The following LTBP1 variants were observed in gnomAD, a reference collection of about 807,000 sequenced individuals.
The protein encoded by LTBP1 is latent transforming growth factor beta binding protein 1.
LTBP1 carries 129 observed loss-of-function variants against 207.6 expected under a neutral mutation model. That is an observed-to-expected ratio of 0.62 (90% CI 0.54 to 0.72). The LOEUF (loss-of-function observed/expected upper bound fraction) is 0.72, where lower values mean the gene tolerates loss of function less well. LTBP1 is among the 30% of genes least tolerant of loss of function. The pLI, the probability that LTBP1 is intolerant of heterozygous loss-of-function variation, is 0.00. For synonymous variants in LTBP1, 963 were observed against 833.7 expected, an observed-to-expected ratio of 1.16 and a Z score of -2.67; for missense variants, 2,281 against 2,217.2, an observed-to-expected ratio of 1.03 and a Z score of -0.58.
chr2:33,028,685 G>A (rs73924124), intron 3 of LTBP1, among the ~76,000 whole-genome samples: 1,663 of 152,194 alleles, frequency 0.011, 32 homozygotes, highest in African/African-American at 0.036. Flanking sequence ...CATTCTTTAC[G>A]GTACTTGTAG....
intron 26 of LTBP1, among the ~76,000 whole-genome samples, chr2:33,350,566 T>G (rs1044982382): frequency 5.9e-5 from 9 of 152,260 alleles, no homozygotes; most frequent in Non-Finnish European, 8.8e-5. Flanking sequence ...CTAGGGTTTT[T>G]ATTTCTAAAC....
At chr2:33,008,582 C>A (rs903697128) in intron 2 of LTBP1, among the ~76,000 whole-genome samples, 3 of 152,184 alleles carry the variant, frequency 2.0e-5, no homozygotes, top group Admixed American at 1.3e-4. Context: ...GCCTTCCAGC[C>A]CTCATTCATG....
At position 33,342,976 on chromosome 2, in the gene LTBP1, A is replaced by AT. The variant is rs762880376; in HGVS notation, c.3856+19dup. On this transcript the variant is annotated intron_variant, in intron 25 of 33. Coordinates refer to ENST00000404816, the MANE Select transcript of LTBP1 (RefSeq NM_206943.4). ...CAAGGGTGTGTGGGTGAGTTTTTAG[A>AT]TTTTTTCCCAACGTGTTTCACATGT... 1.0e-5 allele frequency: 16 copies of AT among 1,605,356 alleles called. No individual in the cohort carries two copies. The highest frequency in any genetic ancestry group is 6.7e-5 in the East Asian group (3 of 44,740).
chr2:33,176,703 A>G (rs1339732632), intron 5 of LTBP1, among the ~76,000 whole-genome samples: 1 of 152,124 alleles, frequency 6.6e-6, no homozygotes, highest in Non-Finnish European at 1.5e-5. Flanking sequence ...GCTTCCCAAG[A>G]TGTGGAGATG....
intron 30 of LTBP1, 55 bp downstream of exon 30, chr2:33,364,411 T>TGGCCGGGCGCGG (rs1337279826): frequency 6.5e-7 from 1 of 1,538,000 alleles, no homozygotes; most frequent in Non-Finnish European, 8.8e-7. Context: ...AAGATTTTCC[T>TGGCCGGGCGCGG]TTTAACTAAA....
At chr2:33,170,299 C>G (rs1284372204) in intron 5 of LTBP1, among the ~76,000 whole-genome samples, 1 of 152,194 alleles carries the variant, frequency 6.6e-6, no homozygotes, top group Non-Finnish European at 1.5e-5. Context: ...TCACTCCCAC[C>G]CTAATACTGC....
chr2:33,050,916 T>C (rs1208660105), intron 3 of LTBP1, among the ~76,000 whole-genome samples: 3 of 152,070 alleles, frequency 2.0e-5, no homozygotes, highest in Non-Finnish European at 2.9e-5. Context: ...ATATTTTTAG[T>C]AGAGACAGGG....
At chr2:33,232,785 T>G (rs1316359812) in intron 9 of LTBP1, among the ~76,000 whole-genome samples, 2 of 152,216 alleles carry the variant, frequency 1.3e-5, no homozygotes, top group African/African-American at 4.8e-5. Context: ...GATCCTTTAG[T>G]GAGGGTCACT....
chr2:33,227,937 T>C (rs2091540648), intron 9 of LTBP1, among the ~76,000 whole-genome samples: 1 of 150,772 alleles, frequency 6.6e-6, no homozygotes, highest in Admixed American at 6.6e-5. Context: ...CCTGAGTAGC[T>C]GGGACTATAG....
At chr2:32,951,988 C>A (rs1677185967) in intron 2 of LTBP1, among the ~76,000 whole-genome samples, 1 of 152,060 alleles carries the variant, frequency 6.6e-6, no homozygotes, top group African/African-American at 2.4e-5. Context: ...AAATGTATAA[C>A]CCAGGATGTC....
intron 2 of LTBP1, among the ~76,000 whole-genome samples, chr2:32,963,747 A>C (rs1392734477): frequency 3.9e-5 from 6 of 152,136 alleles, no homozygotes. Flanking sequence ...GGGATGCGTA[A>C]CAAATGCAGG....
intron 7 of LTBP1, among the ~76,000 whole-genome samples, chr2:33,215,077 C>T (rs1451638081): frequency 6.6e-6 from 1 of 152,008 alleles, no homozygotes; most frequent in Non-Finnish European, 1.5e-5. Flanking sequence ...CCTTCTACTC[C>T]CTGGGGAATC....
intron 3 of LTBP1, among the ~76,000 whole-genome samples, chr2:33,061,637 A>G (rs1558581450): frequency 1.3e-5 from 2 of 152,176 alleles, no homozygotes; most frequent in African/African-American, 4.8e-5. Flanking sequence ...GTGAATAAGC[A>G]GTTCATTCCT....
intron 20 of LTBP1, among the ~76,000 whole-genome samples, chr2:33,296,289 C>G (rs945763888): frequency 1.3e-5 from 2 of 151,778 alleles, no homozygotes; most frequent in African/African-American, 4.8e-5. Context: ...CTTTCATAGT[C>G]CAAACTTACT....
At chr2:33,272,807 A>G (rs532351142) in intron 15 of LTBP1, among the ~76,000 whole-genome samples, 1 of 152,300 alleles carries the variant, frequency 6.6e-6, no homozygotes, top group East Asian at 1.9e-4. Flanking sequence ...AGGACATTGG[A>G]AACAGAAAAT....
In LTBP1 at chr2:33,187,009, C is replaced by T. The variant is rs139973445; in HGVS notation, c.1355C>T (p.Ala452Val). The change falls in exon 6 of 34, where the codon GCG becomes GTG. Residue 452 changes from alanine (A) to valine (V), a missense_variant. By Grantham distance (64) the Ala-to-Val change is moderately conservative (BLOSUM62 0). Transcript: ENST00000404816. ...CAGCATTCCCAGCAGCCAGGCAAGGCGTTGGGGACGCATGTCATCCATTCA... is the reference window on the plus strand; with the variant it reads ...CAGCATTCCCAGCAGCCAGGCAAGGTGTTGGGGACGCATGTCATCCATTCA... ...LYQHSQQPGK[A>V]LGTHVIHSTH... 172 of 1,614,190 alleles carry T rather than the reference C, an allele frequency of 1.1e-4. 1 individual carries two copies. The African/African-American group carries it at 1.9e-3, about 18-fold the overall frequency.
intron 24 of LTBP1, among the ~76,000 whole-genome samples, chr2:33,334,338 T>G: frequency 6.6e-6 from 1 of 152,198 alleles, no homozygotes; most frequent in Non-Finnish European, 1.5e-5. Context: ...GGAAGAAAAC[T>G]GAAGAGGTTT....
intron 22 of LTBP1, among the ~76,000 whole-genome samples, chr2:33,306,508 T>C (rs940596331): frequency 1.3e-5 from 2 of 151,502 alleles, no homozygotes; most frequent in African/African-American, 4.9e-5. Flanking sequence ...TGGCAATAGT[T>C]GCAGTGAGTC....
At chr2:33,222,751 G>A (rs1311237679) in intron 9 of LTBP1, among the ~76,000 whole-genome samples, 1 of 152,166 alleles carries the variant, frequency 6.6e-6, no homozygotes, top group Non-Finnish European at 1.5e-5. Context: ...CTTTATAAAT[G>A]AGAAAACTCA....
Sources: allele counts gnomAD v4.1 joint callset (sites outside exome capture counted in the v4.1 genomes callset), GRCh38; gene constraint gnomAD v4.1.1; transcripts MANE v1.5; gene names NCBI Gene and HGNC (gene_info 2026-07-23, HGNC 2026-07-21).